The following ROBO2 variants were observed in gnomAD, a reference collection of about 807,000 sequenced individuals.
The protein encoded by ROBO2 is roundabout guidance receptor 2.
ROBO2 carries 53 observed loss-of-function variants against 160.8 expected under a neutral mutation model. The observed-to-expected ratio is 0.33, with a 90% CI of 0.26 to 0.41. The LOEUF is 0.41. Ranked by LOEUF, ROBO2 falls within the 10% of genes least tolerant of loss-of-function variation. The pLI is 1.00. For synonymous variants in ROBO2, 664 were observed against 611.7 expected, an observed-to-expected ratio of 1.09 and a Z score of -1.26; for missense variants, 1,577 against 1,722.4, an observed-to-expected ratio of 0.92 and a Z score of 1.49.
At chr3:77,568,047 C>G (rs2093535912) in intron 12 of ROBO2, among the ~76,000 whole-genome samples, 1 of 151,980 alleles carries the variant, frequency 6.6e-6, no homozygotes, top group South Asian at 2.1e-4. Context: ...TCTTATACAA[C>G]AGTGTGTCTG....
intron 21 of ROBO2, among the ~76,000 whole-genome samples, chr3:77,609,791 C>CATATATATATATAT (rs34908269): frequency 2.4e-4 from 35 of 143,678 alleles, no homozygotes; most frequent in African/African-American, 8.6e-4. Flanking sequence ...TTTATATATA[C>CATATATATATATAT]ATATATATAT....
chr3:77,265,422 A>G (rs1223076870), intron 2 of ROBO2, among the ~76,000 whole-genome samples: 1 of 152,170 alleles, frequency 6.6e-6, no homozygotes, highest in Non-Finnish European at 1.5e-5. Context: ...ACAAGTTTAT[A>G]TGCCTTGATA....
chr3:77,326,777 C>T (rs184650102), intron 2 of ROBO2, among the ~76,000 whole-genome samples: 10 of 152,286 alleles, frequency 6.6e-5, no homozygotes, highest in Admixed American at 2.6e-4. Flanking sequence ...AGCTTAGCAG[C>T]GCTTCTTCAG....
At chr3:77,086,587 C>A (rs2069346337) in intron 1 of ROBO2, among the ~76,000 whole-genome samples, 1 of 152,126 alleles carries the variant, frequency 6.6e-6, no homozygotes, top group South Asian at 2.1e-4. Context: ...ATAAACCAAT[C>A]CATGATTTAT....
At chr3:76,911,454 T>C (rs75066245) in intron 2 of ROBO2, among the ~76,000 whole-genome samples, 2,570 of 152,148 alleles carry the variant, frequency 0.017, 50 homozygotes, top group African/African-American at 0.057. Context: ...GAATAAGAAA[T>C]GGGTTAGAAT....
chr3:77,420,573 C>T (rs937870996), intron 2 of ROBO2, among the ~76,000 whole-genome samples: 1 of 152,106 alleles, frequency 6.6e-6, no homozygotes, highest in Non-Finnish European at 1.5e-5. Flanking sequence ...CCACCTGCTC[C>T]TCTAATGATT....
chr3:76,119,101 C>G (rs569099768), intron 2 of ROBO2, among the ~76,000 whole-genome samples: 1 of 152,264 alleles, frequency 6.6e-6, no homozygotes, highest in South Asian at 2.1e-4. Flanking sequence ...TGTTTCTCAT[C>G]ATGTACACCT....
chr3:76,705,783 T>A (rs1220254738), intron 2 of ROBO2, among the ~76,000 whole-genome samples: 1 of 152,134 alleles, frequency 6.6e-6, no homozygotes, highest in Non-Finnish European at 1.5e-5. Context: ...GCAGCATGAT[T>A]TCTTTCTATT....
intron 2 of ROBO2, among the ~76,000 whole-genome samples, chr3:76,703,639 T>C (rs531010434): frequency 6.6e-6 from 1 of 152,230 alleles, no homozygotes; most frequent in African/African-American, 2.4e-5. Flanking sequence ...CTGTGTTAGT[T>C]TGCTGAGAAT....
chr3:77,128,058 T>G (rs1021309917), intron 2 of ROBO2, among the ~76,000 whole-genome samples: 1 of 152,192 alleles, frequency 6.6e-6, no homozygotes, highest in Non-Finnish European at 1.5e-5. Flanking sequence ...TAATTAAACG[T>G]GATTTATTCA....
At chr3:77,143,646 T>C (rs2076899864) in intron 2 of ROBO2, among the ~76,000 whole-genome samples, 1 of 152,248 alleles carries the variant, frequency 6.6e-6, no homozygotes. Context: ...TTAATACTTA[T>C]GGACTGAAGA....
intron 2 of ROBO2, among the ~76,000 whole-genome samples, chr3:76,117,596 A>T (rs1041680034): frequency 3.3e-5 from 5 of 152,122 alleles, no homozygotes; most frequent in Admixed American, 6.6e-5. Context: ...CTTCATGTGG[A>T]GAATTTTAGA....
At chr3:76,228,745 A>G (rs1435797091) in intron 2 of ROBO2, among the ~76,000 whole-genome samples, 1 of 152,242 alleles carries the variant, frequency 6.6e-6, no homozygotes, top group Non-Finnish European at 1.5e-5. Context: ...AAACTTTCAT[A>G]AGAACTCACA....
intron 2 of ROBO2, among the ~76,000 whole-genome samples, chr3:76,663,274 G>A (rs1459859305): frequency 6.6e-6 from 1 of 152,180 alleles, no homozygotes; most frequent in Non-Finnish European, 1.5e-5. Context: ...CAGGTTTAGG[G>A]TTGAAGAAGA....
chr3:76,327,771 G>T (rs899229458), intron 2 of ROBO2, among the ~76,000 whole-genome samples: 4 of 152,122 alleles, frequency 2.6e-5, no homozygotes, highest in Non-Finnish European at 5.9e-5. Flanking sequence ...ATGATGTGCA[G>T]ATTTTGTGAG....
chr3:76,751,843 G>A (rs267108), intron 2 of ROBO2, among the ~76,000 whole-genome samples: 27,193 of 152,062 alleles, frequency 0.18, 2,642 homozygotes, highest in Non-Finnish European at 0.22. Context: ...CACTGTTGGC[G>A]GGACTGTAAA....
intron 1 of ROBO2, among the ~76,000 whole-genome samples, chr3:77,064,847 G>A (rs1186670209): frequency 1.3e-5 from 2 of 152,110 alleles, no homozygotes; most frequent in Admixed American, 1.3e-4. Context: ...CAAGATATTT[G>A]TAATAATTAT....
intron 2 of ROBO2, among the ~76,000 whole-genome samples, chr3:77,448,447 C>G (rs775443571): frequency 1.1e-4 from 16 of 152,098 alleles, no homozygotes; most frequent in Non-Finnish European, 2.1e-4. Flanking sequence ...AGAGAAGAAC[C>G]ATTCGGCAAA....
intron 2 of ROBO2, among the ~76,000 whole-genome samples, chr3:75,955,264 C>A (rs575909188): frequency 1.3e-5 from 2 of 151,832 alleles, no homozygotes; most frequent in East Asian, 3.9e-4. Flanking sequence ...GAGGAATTTC[C>A]ACTTAAGCTC....
Sources: gnomAD v4.1 joint callset for allele counts (sites outside exome capture counted in the v4.1 genomes callset) on GRCh38, gnomAD v4.1.1 for gene constraint, MANE v1.5 for transcripts, NCBI Gene and HGNC (gene_info 2026-07-23, HGNC 2026-07-21) for gene names.